ARHGAP17: variants seen among roughly 807,000 people sequenced by gnomAD.
ARHGAP17 encodes rho GTPase-activating protein 17.
In ARHGAP17, 57 loss-of-function variants were observed where a neutral mutation model predicts 99.5. The ratio of observed to expected loss-of-function variants is 0.57; its 90% CI spans 0.46 to 0.71. ARHGAP17 has a LOEUF of 0.71. ARHGAP17 is among the 30% of genes least tolerant of loss of function. The pLI is 0.00. For synonymous variants in ARHGAP17, 417 were observed against 429.6 expected (o/e 0.97, Z 0.36); for missense variants, 1,000 against 1,122.4 (o/e 0.89, Z 1.56).
chr16:25,010,071 C>T (rs1270750973), intron 1 of ARHGAP17, among the ~76,000 whole-genome samples: 14 of 151,012 alleles, frequency 9.3e-5, no homozygotes, highest in Admixed American at 7.3e-4. Context: ...AGGTTTCTTC[C>T]TCTTTTTTTT....
At chr16:24,922,257 G>C (rs994737898) in intron 19 of ARHGAP17, among the ~76,000 whole-genome samples, 1 of 152,212 alleles carries the variant, frequency 6.6e-6, no homozygotes. Context: ...GACATGACTT[G>C]GCGGGGAATG....
chr16:24,998,905 G>A (rs1395352727), intron 1 of ARHGAP17, among the ~76,000 whole-genome samples: 1 of 152,204 alleles, frequency 6.6e-6, no homozygotes, highest in African/African-American at 2.4e-5. Context: ...GGGACTGTGT[G>A]GGAAAGAGGA....
At chr16:24,935,909 C>G (rs2051127518) in intron 17 of ARHGAP17, 4 of 436,268 alleles carry the variant, frequency 9.2e-6, no homozygotes, top group Non-Finnish European at 1.7e-5. Flanking sequence ...TGGACTCAAG[C>G]AATCCTCTCC....
intron 19 of ARHGAP17, among the ~76,000 whole-genome samples, chr16:24,927,948 G>C (rs2050885134): frequency 6.6e-6 from 1 of 152,174 alleles, no homozygotes; most frequent in African/African-American, 2.4e-5. Flanking sequence ...CTGCTTGGCA[G>C]CAATAATCTC....
At chr16:24,966,367 T>G (rs2052180975) in intron 6 of ARHGAP17, among the ~76,000 whole-genome samples, 2 of 152,170 alleles carry the variant, frequency 1.3e-5, no homozygotes, top group Middle Eastern at 3.4e-3. Flanking sequence ...TTGCAGTGGC[T>G]CACGCCTGTA....
At chr16:24,971,593 T>C (rs552193850) in intron 3 of ARHGAP17, among the ~76,000 whole-genome samples, 4 of 152,128 alleles carry the variant, frequency 2.6e-5, no homozygotes, top group Non-Finnish European at 5.9e-5. Context: ...CTCCCAAAGT[T>C]CTGGGATTGC....
Position 24,935,473 on chromosome 16 carries a change from G to C in ARHGAP17, c.1891C>G (p.Arg631Gly), listed in dbSNP as rs148333219. The change falls in exon 18 of 20, where the codon CGA (arginine) becomes GGA (glycine). Residue 631 changes from arginine to glycine, a missense_variant. Physicochemically the swap from Arg to Gly is moderately radical, Grantham distance 125. This residue lies in a region of ARHGAP17 where 528 missense variants were observed against 511.4 expected (regional missense o/e 1.03). Transcript: ENST00000289968. Reference protein sequence around the residue: ...AAGPSPHTLRRAVKKPAPAPP... With the variant: ...AAGPSPHTLRGAVKKPAPAPP... Reference sequence around the variant, plus strand: ...AAGGAGGACGGTGGCTGCTTACCTCGGCGCAGTGTATGCGGGCTGGGCCCT... The same window carrying C: ...AAGGAGGACGGTGGCTGCTTACCTCCGCGCAGTGTATGCGGGCTGGGCCCT... 139 of 1,591,936 alleles carry C rather than the reference G, an allele frequency of 8.7e-5. No homozygotes were observed. The highest frequency in any genetic ancestry group is 1.1e-4 in the Non-Finnish European group (130 of 1,168,770).
At chr16:24,969,304 T>A (rs1234477842) in intron 4 of ARHGAP17, among the ~76,000 whole-genome samples, 1 of 151,682 alleles carries the variant, frequency 6.6e-6, no homozygotes. Flanking sequence ...ACAGTCTCTA[T>A]CCCTCCCTCC....
chr16:24,990,943 C>T (rs2053023254), intron 1 of ARHGAP17, among the ~76,000 whole-genome samples: 1 of 152,062 alleles, frequency 6.6e-6, no homozygotes, highest in African/African-American at 2.4e-5. Context: ...CTCCAGGGTC[C>T]CTGTGTCCTA....
At chr16:24,996,451 G>A (rs961197012) in intron 1 of ARHGAP17, among the ~76,000 whole-genome samples, 4 of 152,160 alleles carry the variant, frequency 2.6e-5, no homozygotes, top group Admixed American at 2.0e-4. Flanking sequence ...CAGGATATTG[G>A]TCTTTTGTTA....
intron 2 of ARHGAP17, 55 bp from the exon 3 acceptor site, chr16:24,977,374 T>C (rs1425651986): frequency 2.1e-6 from 3 of 1,423,672 alleles, no homozygotes; most frequent in Admixed American, 1.9e-5. Flanking sequence ...TTGTGGTGTC[T>C]GCATGCTGGT....
chr16:24,951,068 G>C (rs1427987208), intron 12 of ARHGAP17, among the ~76,000 whole-genome samples: 1 of 152,130 alleles, frequency 6.6e-6, no homozygotes, highest in African/African-American at 2.4e-5. Context: ...CTCTGGAGAG[G>C]AGGGGAGTCA....
intron 1 of ARHGAP17, among the ~76,000 whole-genome samples, chr16:24,993,030 G>C (rs1280655048): frequency 6.6e-6 from 1 of 151,974 alleles, no homozygotes; most frequent in Admixed American, 6.6e-5. Context: ...CAAACTCCTC[G>C]CCGCAAGTGA....
intron 1 of ARHGAP17, among the ~76,000 whole-genome samples, chr16:25,004,627 T>A (rs2141501575): frequency 6.6e-6 from 1 of 152,348 alleles, no homozygotes; most frequent in South Asian, 2.1e-4. Context: ...GGTCTGTGAT[T>A]TCTAATTTAA....
At chr16:24,980,404 T>G (rs947243046) in intron 1 of ARHGAP17, among the ~76,000 whole-genome samples, 1 of 152,182 alleles carries the variant, frequency 6.6e-6, no homozygotes, top group Admixed American at 6.5e-5. Context: ...GAAACTGGAA[T>G]GCTGACCTGA....
chr16:24,981,069 G>A (rs1440664582), intron 1 of ARHGAP17, among the ~76,000 whole-genome samples: 1 of 152,240 alleles, frequency 6.6e-6, no homozygotes, highest in East Asian at 1.9e-4. Context: ...GCTATAAGCA[G>A]ATGTGGGAAA....
intron 4 of ARHGAP17, among the ~76,000 whole-genome samples, chr16:24,969,890 G>A (rs896122324): frequency 2.6e-5 from 4 of 152,148 alleles, no homozygotes; most frequent in East Asian, 3.9e-4. Context: ...TGAAGGCCTC[G>A]TCCTGCTGGG....
At chr16:24,966,778 A>G (rs1205680954) in intron 6 of ARHGAP17, among the ~76,000 whole-genome samples, 4 of 152,176 alleles carry the variant, frequency 2.6e-5, no homozygotes, top group Admixed American at 2.0e-4. Context: ...GGAACATCAC[A>G]TGTACACATG....
At chr16:24,984,516 G>A (rs2052798292) in intron 1 of ARHGAP17, among the ~76,000 whole-genome samples, 1 of 152,064 alleles carries the variant, frequency 6.6e-6, no homozygotes, top group Admixed American at 6.6e-5. Flanking sequence ...AAATTAGCCA[G>A]GCAGTGGCAG....
Sources: allele counts gnomAD v4.1 joint callset (sites outside exome capture counted in the v4.1 genomes callset), GRCh38; gene constraint gnomAD v4.1.1; regional missense constraint gnomAD v4.1.1; transcripts MANE v1.5; gene names NCBI Gene and HGNC (gene_info 2026-07-23, HGNC 2026-07-21).